ABTB3: variants seen among roughly 807,000 people sequenced by gnomAD.
ABTB3 encodes the protein ankyrin repeat- and BTB/POZ domain-containing protein 3.
the ABTB3 span, among the ~76,000 whole-genome samples, chr12:107,654,813 TATAC>T: frequency 0.023 from 2,226 of 96,068 alleles, 77 homozygotes; most frequent in African/African-American, 0.12. Flanking sequence ...GTCTACATTG[TATAC>T]ACACACACAC....
At chr12:107,618,519 C>A in the ABTB3 span, 1 of 731,784 alleles carries the variant, frequency 1.4e-6, no homozygotes, top group Non-Finnish European at 2.2e-6. Flanking sequence ...CACAAGGGGA[C>A]CCAGGGAGCT....
At chr12:107,322,675 T>TA in the ABTB3 span, among the ~76,000 whole-genome samples, 2 of 152,252 alleles carry the variant, frequency 1.3e-5, no homozygotes, top group African/African-American at 4.8e-5. Flanking sequence ...CTAACATGTA[T>TA]CCAGCAGGGC....
the ABTB3 span, among the ~76,000 whole-genome samples, chr12:107,463,694 G>A: frequency 6.6e-6 from 1 of 152,180 alleles, no homozygotes; most frequent in South Asian, 2.1e-4. Flanking sequence ...CAAACACTGT[G>A]TATCTCCATC....
At chr12:107,486,735 C>CAAAA in the ABTB3 span, 9 of 50,232 alleles carry the variant, frequency 1.8e-4, no homozygotes, top group Admixed American at 3.8e-4. Flanking sequence ...TCTTAATAGC[C>CAAAA]AAAAAAAAAA....
At chr12:107,377,957 G>A in the ABTB3 span, among the ~76,000 whole-genome samples, 1 of 152,180 alleles carries the variant, frequency 6.6e-6, no homozygotes, top group African/African-American at 2.4e-5. Context: ...CAAGAAGGGT[G>A]GGAAGAAGAT....
the ABTB3 span, among the ~76,000 whole-genome samples, chr12:107,379,600 C>T: frequency 1.3e-5 from 2 of 152,280 alleles, no homozygotes; most frequent in South Asian, 4.1e-4. Context: ...GGTATTTCTT[C>T]ATAGCAGTAT....
the ABTB3 span, among the ~76,000 whole-genome samples, chr12:107,430,247 G>C: frequency 1.3e-5 from 2 of 152,088 alleles, no homozygotes; most frequent in African/African-American, 4.8e-5. Flanking sequence ...CCTTTTGTTG[G>C]ACATTTAGAT....
chr12:107,392,638 A>G, the ABTB3 span, among the ~76,000 whole-genome samples: 2 of 152,080 alleles, frequency 1.3e-5, no homozygotes, highest in Admixed American at 1.3e-4. Flanking sequence ...TCTTTGACCA[A>G]ATTCCATCTC....
chr12:107,497,752 C>T, the ABTB3 span, among the ~76,000 whole-genome samples: 1 of 152,182 alleles, frequency 6.6e-6, no homozygotes, highest in Non-Finnish European at 1.5e-5. Flanking sequence ...CTCTAAATCC[C>T]CAGAGAAGCC....
At chr12:107,577,151 C>G in the ABTB3 span, among the ~76,000 whole-genome samples, 1 of 152,202 alleles carries the variant, frequency 6.6e-6, no homozygotes, top group Non-Finnish European at 1.5e-5. Flanking sequence ...ACTGCAATGT[C>G]AGAGTTGAGT....
chr12:107,581,248 C>T, the ABTB3 span: 1 of 1,520,224 alleles, frequency 6.6e-7, no homozygotes, highest in Non-Finnish European at 8.8e-7. Flanking sequence ...GCGACGACGT[C>T]CGCCAGGCGG....
the ABTB3 span, among the ~76,000 whole-genome samples, chr12:107,514,692 A>T: frequency 1.4e-4 from 21 of 152,310 alleles, no homozygotes; most frequent in Admixed American, 1.2e-3. Context: ...TGTATACCCC[A>T]TGTAGAGTCT....
chr12:107,633,910 T>A, the ABTB3 span, among the ~76,000 whole-genome samples: 1 of 152,192 alleles, frequency 6.6e-6, no homozygotes, highest in South Asian at 2.1e-4. Flanking sequence ...TCTAATAAGC[T>A]CCCAGGTGAT....
At chr12:107,525,596 C>A in the ABTB3 span, among the ~76,000 whole-genome samples, 1 of 152,132 alleles carries the variant, frequency 6.6e-6, no homozygotes, top group Non-Finnish European at 1.5e-5. Context: ...GTTCGTCCAA[C>A]AATGAAATCG....
chr12:107,523,376 G>C, the ABTB3 span, among the ~76,000 whole-genome samples: 3 of 152,234 alleles, frequency 2.0e-5, no homozygotes, highest in Non-Finnish European at 2.9e-5. Context: ...CTACTGGTCA[G>C]TCCTGGGATT....
the ABTB3 span, among the ~76,000 whole-genome samples, chr12:107,473,126 C>T: frequency 3.5e-4 from 53 of 152,104 alleles, no homozygotes; most frequent in Non-Finnish European, 5.7e-4. Flanking sequence ...TCTTTTCATT[C>T]GTGAACTTCT....
At chr12:107,328,404 TATC>T in the ABTB3 span, among the ~76,000 whole-genome samples, 1 of 152,220 alleles carries the variant, frequency 6.6e-6, no homozygotes, top group Non-Finnish European at 1.5e-5. Context: ...TCTTTATTAT[TATC>T]GATAGTATCA....
At chr12:107,498,953 C>A in the ABTB3 span, among the ~76,000 whole-genome samples, 3 of 152,286 alleles carry the variant, frequency 2.0e-5, no homozygotes, top group East Asian at 5.8e-4. Flanking sequence ...CTGGAAGTAG[C>A]CATTATCCAG....
At chr12:107,339,973 A>G in the ABTB3 span, among the ~76,000 whole-genome samples, 2 of 152,070 alleles carry the variant, frequency 1.3e-5, no homozygotes, top group African/African-American at 4.8e-5. Flanking sequence ...CTGTGTTGAT[A>G]TCATATTTAT....
Sources: allele counts gnomAD v4.1 joint callset (sites outside exome capture counted in the v4.1 genomes callset), GRCh38; gene constraint gnomAD v4.1.1; transcripts MANE v1.5; gene names NCBI Gene and HGNC (gene_info 2026-07-23, HGNC 2026-07-21).